Variants in MYO3A observed in about 807,000 individuals in gnomAD.
MYO3A encodes myosin IIIA, also known as myosin-IIIa.
In MYO3A, 180 loss-of-function variants were observed where a neutral mutation model predicts 192.7. That is an observed-to-expected ratio of 0.93 (90% confidence interval 0.83 to 1.06). The LOEUF is 1.06. Ranked by LOEUF, MYO3A falls within the 50% of genes least tolerant of loss-of-function variation. MYO3A has a pLI of 0.00. For missense variants in MYO3A, 1,896 were observed against 1,905.0 expected (o/e 1.00, Z 0.09); for synonymous variants, 628 against 645.3 (o/e 0.97, Z 0.41).
At chr10:26,207,788 A>T (rs564660056) in intron 34 of MYO3A, among the ~76,000 whole-genome samples, 1 of 151,774 alleles carries the variant, frequency 6.6e-6, no homozygotes, top group East Asian at 1.9e-4. Context: ...AAATTTTAGG[A>T]TTTTTTTCCT....
intron 10 of MYO3A, among the ~76,000 whole-genome samples, chr10:26,054,026 C>A (rs377684532): frequency 1.3e-5 from 2 of 152,036 alleles, no homozygotes; most frequent in East Asian, 1.9e-4. Context: ...GTTAGAGGCT[C>A]GGCCAAGAGG....
At chr10:25,968,884 C>G (rs1282271983) in intron 4 of MYO3A, among the ~76,000 whole-genome samples, 3 of 152,198 alleles carry the variant, frequency 2.0e-5, no homozygotes, top group Non-Finnish European at 4.4e-5. Flanking sequence ...TAGTATCCAT[C>G]TGGGTTATCA....
chr10:26,006,528 A>G (rs1470417783), intron 6 of MYO3A, among the ~76,000 whole-genome samples: 1 of 152,236 alleles, frequency 6.6e-6, no homozygotes, highest in Non-Finnish European at 1.5e-5. Context: ...AATAGATGCA[A>G]TAAAAAATGA....
At chr10:26,183,186 A>G (rs1417136911) in intron 31 of MYO3A, among the ~76,000 whole-genome samples, 1 of 152,186 alleles carries the variant, frequency 6.6e-6, no homozygotes, top group East Asian at 1.9e-4. Flanking sequence ...TAGGAGAGAC[A>G]TGTGGGGCAG....
intron 22 of MYO3A, 28 bp downstream of exon 22, chr10:26,145,562 G>T (rs537514478): frequency 1.3e-6 from 2 of 1,482,586 alleles, no homozygotes; most frequent in African/African-American, 2.8e-5. Context: ...TTATGACTGA[G>T]TTTCTCCTTA....
chr10:26,170,502 C>T lies in MYO3A; in HGVS notation c.3361C>T (p.Gln1121Ter). The T allele has an allele frequency of 6.2e-7, 1 of 1,612,942 alleles. No individual in the cohort carries two copies. Among genetic ancestry groups the T allele is most frequent in the South Asian group, 1.1e-5 (1 of 91,006 alleles). ...AGTAACAACCATTCAAACTTCTGAT[C>T]AGGAATTCGACTACAAGAAAAACTT... is the stretch of plus-strand genomic sequence containing the variant. ...TAVTTIQTSD[Q>*]EFDYKKNFEN... The change falls in exon 29 of 35, where the codon CAG becomes TAG. Residue 1121 changes from glutamine (Q) to a stop codon, truncating the protein, a stop_gained. Transcript: ENST00000642920. LOFTEE classifies it high-confidence loss of function.
intron 27 of MYO3A, 151 bp from the exon 28 acceptor site, chr10:26,168,561 C>T: frequency 5.5e-6 from 4 of 720,772 alleles, no homozygotes; most frequent in Non-Finnish European, 9.4e-6. Flanking sequence ...AAAATCTGTA[C>T]TGTCATAGTG....
At chr10:26,033,454 T>C (rs1215419738) in intron 10 of MYO3A, among the ~76,000 whole-genome samples, 1 of 152,096 alleles carries the variant, frequency 6.6e-6, no homozygotes, top group Non-Finnish European at 1.5e-5. Context: ...CTTAACCTAT[T>C]CCTCTCTCCT....
intron 32 of MYO3A, among the ~76,000 whole-genome samples, chr10:26,196,627 G>A (rs920027043): frequency 5.9e-5 from 9 of 152,184 alleles, no homozygotes; most frequent in African/African-American, 2.2e-4. Context: ...AGTGAAAAGT[G>A]TGGCTGTAAT....
At chr10:26,076,419 T>C (rs1835579721) in intron 14 of MYO3A, among the ~76,000 whole-genome samples, 1 of 152,154 alleles carries the variant, frequency 6.6e-6, no homozygotes, top group South Asian at 2.1e-4. Context: ...GATGTATAGA[T>C]TGTGAAGATT....
At chr10:25,992,162 C>G (rs922205891) in intron 4 of MYO3A, among the ~76,000 whole-genome samples, 6 of 152,178 alleles carry the variant, frequency 3.9e-5, no homozygotes, top group African/African-American at 1.4e-4. Flanking sequence ...AATGGTCTTC[C>G]ATTTGTTTGC....
At chr10:25,947,119 T>A (rs1262873245) in intron 2 of MYO3A, among the ~76,000 whole-genome samples, 1 of 151,924 alleles carries the variant, frequency 6.6e-6, no homozygotes, top group Non-Finnish European at 1.5e-5. Context: ...CGTTCTTTTT[T>A]CTTTTTGCCC....
chr10:26,038,337 A>G (rs1404720336), intron 10 of MYO3A, among the ~76,000 whole-genome samples: 2 of 152,230 alleles, frequency 1.3e-5, no homozygotes, highest in Admixed American at 6.5e-5. Context: ...ATCCATAAAC[A>G]TGGAATATCT....
In MYO3A at chr10:26,147,473, C is replaced by T; in HGVS notation, c.2549C>T (p.Thr850Ile). Residue 850 changes from threonine to isoleucine, a missense_variant, in exon 23 of 35, where the codon ACT becomes ATT. Thr to Ile is a moderately conservative substitution (Grantham distance 89). Transcript: ENST00000642920. ...GGATTCTTAGCCAAAAACAGAGACA[C>T]TCTTCCTACTGACATTGTGCTACTT... ...ASGFLAKNRD[T>I]LPTDIVLLLR... is the part of the protein sequence containing the mutation. 2.5e-6 allele frequency: 4 copies of T among 1,613,896 alleles called. No individual in the cohort carries two copies. Among genetic ancestry groups the T allele is most frequent in the Non-Finnish European group, 3.4e-6 (4 of 1,179,812 alleles).
chr10:25,970,056 T>C (rs1035661332), intron 4 of MYO3A, among the ~76,000 whole-genome samples: 5 of 152,098 alleles, frequency 3.3e-5, no homozygotes, highest in Non-Finnish European at 5.9e-5. Context: ...TAAAATTATA[T>C]GTGTCAAAAA....
chr10:26,116,380 C>T (rs1022348164), intron 17 of MYO3A, among the ~76,000 whole-genome samples: 8 of 152,198 alleles, frequency 5.3e-5, no homozygotes, highest in Non-Finnish European at 4.4e-5. Context: ...GTGTGTCTGT[C>T]TTTTCACATG....
intron 4 of MYO3A, among the ~76,000 whole-genome samples, chr10:25,969,143 G>T (rs1838457907): frequency 1.3e-5 from 2 of 152,162 alleles, no homozygotes; most frequent in African/African-American, 2.4e-5. Context: ...GGAGGCAGGA[G>T]AATGGCTTGA....
chr10:25,969,855 G>A (rs1180541878), intron 4 of MYO3A, among the ~76,000 whole-genome samples: 1 of 152,032 alleles, frequency 6.6e-6, no homozygotes, highest in East Asian at 1.9e-4. Flanking sequence ...GTAAAGAGAT[G>A]GAGAAGCTGT....
rs377120152 is a variant in MYO3A, at chr10:25,983,413, G to A, written c.304-13077G>A. Among the ~76,000 whole-genome samples the A allele has an allele frequency of 1.4e-4, 21 of 151,832 alleles. 1 individual carries two copies. The highest frequency in any genetic ancestry group is 4.6e-4 in the African/African-American group (19 of 41,408). ...TGGGACTACAGGCGCCCGCCACCACGCCCAGCTAATTTTTTTTGTATTTTT... is the reference window on the plus strand; with the variant it reads ...TGGGACTACAGGCGCCCGCCACCACACCCAGCTAATTTTTTTTGTATTTTT... On this transcript the variant is annotated intron_variant, in intron 4 of 34. Coordinates refer to ENST00000642920, the MANE Select transcript of MYO3A (RefSeq NM_017433.5).
Sources: allele counts gnomAD v4.1 joint callset (sites outside exome capture counted in the v4.1 genomes callset), GRCh38; gene constraint gnomAD v4.1.1; transcripts MANE v1.5; gene names NCBI Gene and HGNC (gene_info 2026-07-23, HGNC 2026-07-21).